ARHGAP28: variants seen among roughly 807,000 people sequenced by gnomAD.
ARHGAP28 encodes rho GTPase-activating protein 28.
Under a neutral mutation model 90.7 loss-of-function variants are expected in ARHGAP28, and 56 were observed. The ratio of observed to expected loss-of-function variants is 0.62; its 90% confidence interval spans 0.50 to 0.77. The LOEUF (loss-of-function observed/expected upper bound fraction) is 0.77. Among genes scored for constraint, ARHGAP28 ranks in the 30% least tolerant of loss-of-function variants. The pLI is 0.00. For synonymous variants in ARHGAP28, 308 were observed against 323.3 expected (o/e 0.95, Z 0.51); for missense variants, 869 against 900.9 (o/e 0.96, Z 0.45).
chr18:6,905,233 T>A (rs2143839853), intron 16 of ARHGAP28, among the ~76,000 whole-genome samples: 1 of 152,074 alleles, frequency 6.6e-6, no homozygotes, highest in South Asian at 2.1e-4. Flanking sequence ...CCAACTGGGA[T>A]TTTTTTTCAG....
chr18:6,776,646 A>C (rs777391669), intron 1 of ARHGAP28, among the ~76,000 whole-genome samples: 3 of 152,194 alleles, frequency 2.0e-5, no homozygotes, highest in Non-Finnish European at 4.4e-5. Context: ...GGATGTAAGT[A>C]CACCTGATGA....
chr18:6,891,760 T>TA (rs1340458232), intron 14 of ARHGAP28, among the ~76,000 whole-genome samples: 1 of 151,998 alleles, frequency 6.6e-6, no homozygotes, highest in Admixed American at 6.6e-5. Flanking sequence ...GCTAACTTTT[T>TA]AAAAAAAATT....
intron 3 of ARHGAP28, among the ~76,000 whole-genome samples, chr18:6,847,906 G>A (rs1028889727): frequency 2.6e-5 from 4 of 152,118 alleles, no homozygotes; most frequent in East Asian, 3.9e-4. Context: ...GGGAATCTAC[G>A]CAAGCTTCCG....
At chr18:6,850,664 A>G in intron 3 of ARHGAP28, 1 of 666,694 alleles carries the variant, frequency 1.5e-6, no homozygotes, top group South Asian at 2.3e-5. Context: ...ACCAAGTAGA[A>G]TTACATTCAT....
intron 4 of ARHGAP28, among the ~76,000 whole-genome samples, chr18:6,858,459 C>G (rs1319850118): frequency 6.6e-6 from 1 of 152,074 alleles, no homozygotes; most frequent in African/African-American, 2.4e-5. Flanking sequence ...ACCTTTTCTT[C>G]TAAGAAATAT....
chr18:6,731,999 C>T (rs1034711847), intron 1 of ARHGAP28, among the ~76,000 whole-genome samples: 2 of 152,058 alleles, frequency 1.3e-5, no homozygotes, highest in Non-Finnish European at 2.9e-5. Context: ...ACTTTTGTAT[C>T]TGCGTTATTT....
chr18:6,903,562 A>G (rs1467279659), intron 16 of ARHGAP28, among the ~76,000 whole-genome samples: 1 of 152,084 alleles, frequency 6.6e-6, no homozygotes, highest in Non-Finnish European at 1.5e-5. Context: ...GCTGGGCACG[A>G]TGACTCATGC....
intron 17 of ARHGAP28, among the ~76,000 whole-genome samples, chr18:6,910,836 T>C (rs1376190068): frequency 6.6e-6 from 1 of 150,592 alleles, no homozygotes; most frequent in African/African-American, 2.4e-5. Context: ...TTTTTTTGTT[T>C]TGTTTTGTTT....
intron 5 of ARHGAP28, among the ~76,000 whole-genome samples, 159 bp downstream of exon 5, chr18:6,860,056 G>C (rs561301899): frequency 1.3e-5 from 2 of 152,192 alleles, no homozygotes; most frequent in Non-Finnish European, 2.9e-5. Flanking sequence ...TACTAACTTT[G>C]TAAAAATTAG....
In ARHGAP28 at chr18:6,912,204, A is replaced by G. The variant is rs753891138; in HGVS notation, c.*50A>G. ...ATGTATTATATGCCAAAAAGATCCT[A>G]CATTTTGGTAGGGAAAAAACAACAC... On this transcript the variant is annotated 3_prime_UTR_variant, in exon 18 of 18. Transcript: ENST00000383472. The G allele has an allele frequency of 2.6e-5, 29 of 1,112,846 alleles. No homozygotes were observed. The highest frequency in any genetic ancestry group is 2.1e-4 in the Middle Eastern group (1 of 4,660). 68.9% of individuals were successfully genotyped at this position (1,112,846 alleles called of 1,614,324 possible). A position where few individuals can be genotyped will look rare whatever the true frequency, so the allele number is the denominator to read the frequency against.
At chr18:6,761,603 G>C (rs923633560) in intron 1 of ARHGAP28, among the ~76,000 whole-genome samples, 1 of 152,166 alleles carries the variant, frequency 6.6e-6, no homozygotes, top group Non-Finnish European at 1.5e-5. Context: ...TAACAGATGT[G>C]GATGAGGACC....
chr18:6,872,652 C>A (rs1259603255), intron 7 of ARHGAP28, among the ~76,000 whole-genome samples: 1 of 151,910 alleles, frequency 6.6e-6, no homozygotes, highest in African/African-American at 2.4e-5. Context: ...TAAGAATAAT[C>A]TTTTGCTTCT....
intron 1 of ARHGAP28, chr18:6,774,355 AT>A (rs1343684948): frequency 4.6e-5 from 7 of 152,228 alleles, no homozygotes; most frequent in African/African-American, 1.7e-4. Context: ...TTTAAAATCT[AT>A]TTTTAGGGGC....
At chr18:6,804,203 A>G (rs1307439386) in intron 1 of ARHGAP28, among the ~76,000 whole-genome samples, 1 of 152,218 alleles carries the variant, frequency 6.6e-6, no homozygotes, top group Non-Finnish European at 1.5e-5. Flanking sequence ...TATCTTTTAC[A>G]CTAAGTTGGT....
intron 16 of ARHGAP28, 127 bp downstream of exon 16, chr18:6,896,753 A>G: frequency 3.7e-6 from 4 of 1,080,824 alleles, no homozygotes; most frequent in South Asian, 3.5e-5. Context: ...GGAGTTTACC[A>G]GTGGATTACG....
chr18:6,867,609 A>G (rs1362168792), intron 5 of ARHGAP28, among the ~76,000 whole-genome samples: 1 of 152,088 alleles, frequency 6.6e-6, no homozygotes, highest in Non-Finnish European at 1.5e-5. Flanking sequence ...ATACCAAATT[A>G]ATTAAGAGGG....
intron 4 of ARHGAP28, 33 bp downstream of exon 4, chr18:6,851,159 C>T (rs1386020243): frequency 1.3e-6 from 2 of 1,586,684 alleles, no homozygotes; most frequent in African/African-American, 2.7e-5. Context: ...TGGTGGTAGG[C>T]ATGAAATAAG....
chr18:6,756,005 G>A (rs1416513481), intron 1 of ARHGAP28, among the ~76,000 whole-genome samples: 1 of 152,156 alleles, frequency 6.6e-6, no homozygotes, highest in Non-Finnish European at 1.5e-5. Flanking sequence ...AATCTATGGG[G>A]AAGGGTAGGA....
chr18:6,840,033 G>A (rs1395219336), intron 3 of ARHGAP28, among the ~76,000 whole-genome samples: 1 of 152,154 alleles, frequency 6.6e-6, no homozygotes, highest in Non-Finnish European at 1.5e-5. Context: ...TTCTGTTCTG[G>A]TGGCTTCTTT....
Sources: gnomAD v4.1 joint callset for allele counts (sites outside exome capture counted in the v4.1 genomes callset) on GRCh38, gnomAD v4.1.1 for gene constraint, MANE v1.5 for transcripts, NCBI Gene and HGNC (gene_info 2026-07-23, HGNC 2026-07-21) for gene names.